The following MYO1H variants were observed in gnomAD, a reference collection of about 807,000 sequenced individuals.
The protein encoded by MYO1H is unconventional myosin-Ih.
A neutral mutation model predicts 149.3 loss-of-function variants in MYO1H; 118 were observed. The observed-to-expected ratio is 0.79, with a 90% CI of 0.68 to 0.92. The LOEUF (loss-of-function observed/expected upper bound fraction) is 0.92. Ranked by LOEUF, MYO1H falls within the 40% of genes least tolerant of loss-of-function variation. The pLI, the probability that MYO1H is intolerant of heterozygous loss-of-function variation, is 0.00. For missense variants in MYO1H, 1,212 were observed against 1,280.7 expected, an observed-to-expected ratio of 0.95 and a Z score of 0.82; for synonymous variants, 447 against 465.2, an observed-to-expected ratio of 0.96 and a Z score of 0.50.
chr12:109,344,439 A>C (rs1347581278), upstream of MYO1H, among the ~76,000 whole-genome samples: 64 of 152,236 alleles, frequency 4.2e-4, 1 homozygote, highest in Admixed American at 4.1e-3. Context: ...GAAGTGTAAG[A>C]CTTGAACGCT....
At chr12:109,427,900 AAAAAAAAAAATATATAT>A (rs1400934473) in intron 19 of MYO1H, among the ~76,000 whole-genome samples, 1 of 75,228 alleles carries the variant, frequency 1.3e-5, no homozygotes, top group African/African-American at 6.1e-5. Context: ...AAAAAAAAAA[AAAAAAAAAAATATATAT>A]ATATATATAT....
intron 6 of MYO1H, 119 bp downstream of exon 6, chr12:109,401,391 G>A (rs1870153294): frequency 9.7e-7 from 1 of 1,027,202 alleles, no homozygotes; most frequent in Non-Finnish European, 1.4e-6. Flanking sequence ...GTGTCCTATT[G>A]GCTGATTTCT....
intron 1 of MYO1H, among the ~76,000 whole-genome samples, chr12:109,381,572 A>G (rs905421761): frequency 7.2e-5 from 11 of 152,192 alleles, no homozygotes; most frequent in African/African-American, 2.7e-4. Context: ...TGGGAGGCCA[A>G]GGTGGGTGGA....
chr12:109,340,227 G>A, the MYO1H span, among the ~76,000 whole-genome samples: 1 of 152,064 alleles, frequency 6.6e-6, no homozygotes, highest in African/African-American at 2.4e-5. Flanking sequence ...CCAGGCTGGA[G>A]TGCAGTGAGT....
At position 109,358,188 on chromosome 12, in the gene MYO1H, C is replaced by A. The variant is rs11066385; in HGVS notation, c.12+10216C>A. 2.0e-5 allele frequency among the ~76,000 whole-genome samples: 3 copies of A among 151,574 alleles called. No homozygotes were observed. The East Asian group carries it at 5.8e-4, about 29-fold the overall frequency. On this transcript the variant is annotated intron_variant, in intron 1 of 31. Coordinates refer to ENST00000310903, the Ensembl canonical transcript of MYO1H. ...AACGCATCATGACAATTACCAGAAG[C>A]AAATGTAATGTGCAAATATCAGGAT...
rs35915417 is a variant in MYO1H at position 109,361,813 on chromosome 12, CAAAAAAAAAAAAAA to C, written c.12+13855_12+13868del. ...GGTGACAGAGCAAGACCTTGTCTCA[CAAAAAAAAAAAAAA>C]AAAAAAAAAAAAAGAAGAACCACTA... On this transcript the variant is annotated intron_variant, in intron 1 of 31. Coordinates refer to ENST00000310903, the Ensembl canonical transcript of MYO1H. Among the ~76,000 whole-genome samples, 4 of 56,824 alleles carry C rather than the reference CAAAAAAAAAAAAAA, an allele frequency of 7.0e-5. No homozygotes were observed. In the East Asian group the frequency reaches 2.7e-3, roughly 38 times the overall value. 37.3% of individuals were successfully genotyped at this position (56,824 alleles called of 152,430 possible). A position where few individuals can be genotyped will look rare whatever the true frequency, so the allele number is the denominator to read the frequency against.
intron 21 of MYO1H, among the ~76,000 whole-genome samples, chr12:109,436,001 G>T (rs903700458): frequency 6.6e-6 from 1 of 152,172 alleles, no homozygotes; most frequent in Admixed American, 6.5e-5. Flanking sequence ...GCCTCTGATA[G>T]GACCTAAATT....
the MYO1H span, among the ~76,000 whole-genome samples, chr12:109,330,083 C>T: frequency 3.3e-5 from 5 of 152,086 alleles, no homozygotes; most frequent in South Asian, 2.1e-4. Flanking sequence ...TCAATCAAAT[C>T]GGGAGTCTAG....
At chr12:109,434,726 T>C (rs1871785211) in intron 20 of MYO1H, among the ~76,000 whole-genome samples, 1 of 152,208 alleles carries the variant, frequency 6.6e-6, no homozygotes, top group African/African-American at 2.4e-5. Context: ...CGGGAGCCTC[T>C]TTTAGCTCTG....
intron 24 of MYO1H, 114 bp downstream of exon 24, chr12:109,439,904 A>T: frequency 1.1e-6 from 1 of 924,912 alleles, no homozygotes; most frequent in Non-Finnish European, 1.6e-6. Context: ...GCCCTGGCAA[A>T]GCCCTTCTTC....
chr12:109,319,599 TA>T, the MYO1H span, among the ~76,000 whole-genome samples: 5 of 152,222 alleles, frequency 3.3e-5, no homozygotes, highest in African/African-American at 1.2e-4. Context: ...TTACCACAGT[TA>T]AATCAAGGAA....
intron 2 of MYO1H, among the ~76,000 whole-genome samples, chr12:109,392,188 T>A (rs1377842485): frequency 1.3e-5 from 2 of 152,176 alleles, no homozygotes; most frequent in Non-Finnish European, 2.9e-5. Context: ...TCCACTGCAT[T>A]TAGAATAAAA....
At chr12:109,386,681 A>G (rs7303045) in intron 1 of MYO1H, among the ~76,000 whole-genome samples, 9,020 of 151,966 alleles carry the variant, frequency 0.059, 878 homozygotes, top group African/African-American at 0.21. Context: ...CCAAATTTTC[A>G]TTGGGTTTGT....
chr12:109,382,742 TA>T (rs1869230687), intron 1 of MYO1H, among the ~76,000 whole-genome samples: 1 of 151,774 alleles, frequency 6.6e-6, no homozygotes, highest in Non-Finnish European at 1.5e-5. Context: ...ACAGCTGGAA[TA>T]GGGGAAGGCA....
At chr12:109,396,727 C>A in intron 4 of MYO1H, 145 bp downstream of exon 4, 1 of 600,656 alleles carries the variant, frequency 1.7e-6, no homozygotes, top group Non-Finnish European at 2.7e-6. Flanking sequence ...AAGGGTGTGA[C>A]CTGGAACTAA....
the MYO1H span, among the ~76,000 whole-genome samples, chr12:109,337,381 G>T: frequency 6.6e-6 from 1 of 152,200 alleles, no homozygotes; most frequent in Non-Finnish European, 1.5e-5. Flanking sequence ...TCGATAGGAT[G>T]TGTTAGTCTG....
At chr12:109,364,596 T>C (rs16940145) in intron 1 of MYO1H, among the ~76,000 whole-genome samples, 5,766 of 152,262 alleles carry the variant, frequency 0.038, 120 homozygotes, top group Middle Eastern at 0.054. Flanking sequence ...CGTTCTTTTT[T>C]AAAAGGCAGA....
chr12:109,314,494 G>A, the MYO1H span, among the ~76,000 whole-genome samples: 4 of 152,168 alleles, frequency 2.6e-5, no homozygotes, highest in Non-Finnish European at 5.9e-5. Context: ...GCTGCTAGCA[G>A]GCTCTTTCAA....
chr12:109,413,131 G>A (rs577617600), intron 14 of MYO1H, among the ~76,000 whole-genome samples: 79 of 150,584 alleles, frequency 5.2e-4, no homozygotes, highest in Non-Finnish European at 8.7e-4. Flanking sequence ...GCGCCATCAC[G>A]CCTGGCTATT....
Sources: allele counts gnomAD v4.1 joint callset (sites outside exome capture counted in the v4.1 genomes callset), GRCh38; gene constraint gnomAD v4.1.1; transcripts MANE v1.5; gene names NCBI Gene and HGNC (gene_info 2026-07-23, HGNC 2026-07-21).